GNB1: variants seen among roughly 807,000 people sequenced by gnomAD.
The protein encoded by GNB1 is guanine nucleotide-binding protein G(I)/G(S)/G(T) subunit beta-1.
GNB1 carries 2 observed loss-of-function variants against 42.9 expected under a neutral mutation model. The observed-to-expected ratio is 0.05, with a 90% CI of 0.02 to 0.15. The LOEUF (loss-of-function observed/expected upper bound fraction) is 0.15, where lower values mean the gene tolerates loss of function less well. Ranked by LOEUF, GNB1 falls within the 10% of genes least tolerant of loss-of-function variation. The probability of loss-of-function intolerance (pLI) is 1.00; values close to 1 mark genes in which losing one functional copy is unlikely to be tolerated. For synonymous variants in GNB1, 183 were observed against 174.7 expected (o/e 1.05, Z -0.38); for missense variants, 193 against 462.2 (o/e 0.42, Z 5.34).
chr1:1,841,740 A>C (rs952986338), intron 1 of GNB1, among the ~76,000 whole-genome samples: 6 of 152,190 alleles, frequency 3.9e-5, no homozygotes, highest in African/African-American at 1.2e-4. Context: ...TGTACAAGCA[A>C]GCACGTACTT....
intron 1 of GNB1, among the ~76,000 whole-genome samples, chr1:1,884,808 A>C (rs576673605): frequency 3.2e-4 from 49 of 151,494 alleles, no homozygotes; most frequent in Non-Finnish European, 3.2e-4. Context: ...TCAGCCTCCC[A>C]AGTAGCTGGG....
At chr1:1,826,219 C>A (rs1176855497) in intron 2 of GNB1, among the ~76,000 whole-genome samples, 1 of 152,032 alleles carries the variant, frequency 6.6e-6, no homozygotes, top group Admixed American at 6.6e-5. Flanking sequence ...GAGTTCAAGA[C>A]CAGCCTGGCT....
intron 4 of GNB1, among the ~76,000 whole-genome samples, chr1:1,816,801 A>G (rs1301769656): frequency 6.6e-6 from 1 of 151,936 alleles, no homozygotes; most frequent in African/African-American, 2.4e-5. Flanking sequence ...GGTGTGTGCC[A>G]CCATGCCTGG....
chr1:1,842,623 G>A (rs1045373218), intron 1 of GNB1, among the ~76,000 whole-genome samples: 7 of 152,174 alleles, frequency 4.6e-5, no homozygotes, highest in African/African-American at 7.2e-5. Context: ...ATGTGTCTGC[G>A]TGTGCATGCA....
rs1051242773 is a variant in GNB1 at position 1,785,946 on chromosome 1, G to A, written c.*1117C>T. 1.3e-5 allele frequency: 5 copies of A among 398,692 alleles called. No homozygotes were observed. The highest frequency in any genetic ancestry group is 2.2e-5 in the Non-Finnish European group (5 of 226,060). 24.7% of individuals were successfully genotyped at this position (398,692 alleles called of 1,614,324 possible). On this transcript the variant is annotated 3_prime_UTR_variant, in exon 12 of 12. Transcript: ENST00000378609. ...AGCCGCAATGGTTACAACTGTAAGAGGTTATTTCTTAAAAGAAAAAGAACA... is the reference window on the plus strand; with the variant it reads ...AGCCGCAATGGTTACAACTGTAAGAAGTTATTTCTTAAAAGAAAAAGAACA...
At chr1:1,864,873 T>C (rs1291289997) in intron 1 of GNB1, among the ~76,000 whole-genome samples, 1 of 152,202 alleles carries the variant, frequency 6.6e-6, no homozygotes, top group African/African-American at 2.4e-5. Context: ...CAGCTACAAT[T>C]AGCTTAACCA....
intron 1 of GNB1, among the ~76,000 whole-genome samples, chr1:1,890,081 G>C (rs1031883298): frequency 1.3e-5 from 2 of 152,174 alleles, no homozygotes; most frequent in Admixed American, 6.5e-5. Flanking sequence ...ATTCATTCGC[G>C]GGGCCGGGCC....
intron 1 of GNB1, among the ~76,000 whole-genome samples, chr1:1,879,148 G>GGT (rs1649704105): frequency 6.6e-6 from 1 of 152,144 alleles, no homozygotes; most frequent in Admixed American, 6.5e-5. Flanking sequence ...GCAGGGACAG[G>GGT]GTGCCTGTCT....
chr1:1,803,408 T>C lies in GNB1; in HGVS notation c.430+1011A>G, dbSNP rs116499310. 8.4e-3 allele frequency among the ~76,000 whole-genome samples: 1,280 copies of C among 152,294 alleles called. 22 individuals carry two copies. The highest frequency in any genetic ancestry group is 0.03 in the African/African-American group (1,228 of 41,556). ...ACCACCCAGGCTTGAGCCATCCTCCTGAGGAGCTGGGACCATAGTTGTGTG... is the reference window on the plus strand; with the variant it reads ...ACCACCCAGGCTTGAGCCATCCTCCCGAGGAGCTGGGACCATAGTTGTGTG... On this transcript the variant is annotated intron_variant, in intron 7 of 11. Transcript: ENST00000378609.
At chr1:1,846,742 T>G (rs115052411) in intron 1 of GNB1, among the ~76,000 whole-genome samples, 1,564 of 152,288 alleles carry the variant, frequency 0.01, 28 homozygotes, top group African/African-American at 0.035. Flanking sequence ...TGTTTCTTTA[T>G]GGAGAGAGGG....
chr1:1,841,695 C>T (rs561958652), intron 1 of GNB1, among the ~76,000 whole-genome samples: 10 of 152,290 alleles, frequency 6.6e-5, no homozygotes, highest in Non-Finnish European at 1.3e-4. Flanking sequence ...AATTCATTTA[C>T]TTAAAGTAGT....
intron 3 of GNB1, among the ~76,000 whole-genome samples, chr1:1,823,874 T>C (rs1646964225): frequency 6.6e-6 from 1 of 152,240 alleles, no homozygotes; most frequent in Non-Finnish European, 1.5e-5. Context: ...TATTTTATTT[T>C]ACTGTATTTT....
At chr1:1,822,713 G>A (rs1342035811) in intron 3 of GNB1, among the ~76,000 whole-genome samples, 2 of 152,118 alleles carry the variant, frequency 1.3e-5, no homozygotes, top group African/African-American at 4.8e-5. Flanking sequence ...GAAGGCCCTG[G>A]GGAATTCACA....
intron 8 of GNB1, among the ~76,000 whole-genome samples, chr1:1,791,921 G>C (rs1368511233): frequency 6.6e-6 from 1 of 151,830 alleles, no homozygotes; most frequent in Non-Finnish European, 1.5e-5. Context: ...ATACAACGAG[G>C]ACACCTTATA....
At chr1:1,803,709 C>T (rs752496563) in intron 7 of GNB1, among the ~76,000 whole-genome samples, 9 of 152,106 alleles carry the variant, frequency 5.9e-5, no homozygotes, top group Non-Finnish European at 5.9e-5. Flanking sequence ...TAAGGCCGGG[C>T]GCAGCGGCTC....
chr1:1,806,332 T>C, intron 6 of GNB1, 143 bp downstream of exon 6: 1 of 578,816 alleles, frequency 1.7e-6, no homozygotes, highest in Non-Finnish European at 3.2e-6. Flanking sequence ...CTATCTCACC[T>C]GCGCAACTTC....
At chr1:1,861,013 C>G (rs1453027094) in intron 1 of GNB1, among the ~76,000 whole-genome samples, 1 of 147,436 alleles carries the variant, frequency 6.8e-6, no homozygotes, top group Non-Finnish European at 1.5e-5. Flanking sequence ...GAGGCTGAGA[C>G]AAGAGAATCC....
intron 1 of GNB1, among the ~76,000 whole-genome samples, chr1:1,846,689 C>G (rs1168629072): frequency 1.3e-5 from 2 of 152,122 alleles, no homozygotes; most frequent in African/African-American, 2.4e-5. Flanking sequence ...CCCTAAGTAG[C>G]AAGGATTCAG....
intron 1 of GNB1, among the ~76,000 whole-genome samples, chr1:1,880,188 C>T (rs1649763872): frequency 6.6e-6 from 1 of 152,210 alleles, no homozygotes; most frequent in Admixed American, 6.5e-5. Flanking sequence ...CTGCCTCACC[C>T]TCCCAAAGCA....
Sources: gnomAD v4.1 joint callset for allele counts (sites outside exome capture counted in the v4.1 genomes callset) on GRCh38, gnomAD v4.1.1 for gene constraint, MANE v1.5 for transcripts, NCBI Gene and HGNC (gene_info 2026-07-23, HGNC 2026-07-21) for gene names.